VIPR1: variants seen among roughly 807,000 people sequenced by gnomAD.
VIPR1 encodes vasoactive intestinal polypeptide receptor 1.
Under a neutral mutation model 58.8 loss-of-function variants are expected in VIPR1, and 59 were observed. The ratio of observed to expected loss-of-function variants is 1.00; its 90% CI spans 0.81 to 1.25. VIPR1 has a LOEUF of 1.25. Among genes scored for constraint, VIPR1 ranks in the 50% most tolerant of loss-of-function variants. The pLI is 0.00. For missense variants in VIPR1, 626 were observed against 602.7 expected, an observed-to-expected ratio of 1.04 and a Z score of -0.40; for synonymous variants, 251 against 242.1, an observed-to-expected ratio of 1.04 and a Z score of -0.34.
chr3:42,495,782 G>A (rs1049050432), intron 1 of VIPR1, among the ~76,000 whole-genome samples: 1 of 151,794 alleles, frequency 6.6e-6, no homozygotes, highest in African/African-American at 2.4e-5. Flanking sequence ...CAAGTCAATG[G>A]CCAGCAAAAA....
At chr3:42,535,148 A>G in intron 11 of VIPR1, 44 bp downstream of exon 11, 1 of 1,613,428 alleles carries the variant, frequency 6.2e-7, no homozygotes, top group South Asian at 1.1e-5. Flanking sequence ...CTGGCTTTTA[A>G]GGGAATTCAA....
At chr3:42,512,229 C>G (rs1180711671) in intron 1 of VIPR1, 1 of 152,260 alleles carries the variant, frequency 6.6e-6, no homozygotes, top group African/African-American at 2.4e-5. Context: ...AACCATGGTG[C>G]TAGCTGCTTC....
intron 3 of VIPR1, among the ~76,000 whole-genome samples, chr3:42,525,203 C>T (rs1342232882): frequency 6.6e-6 from 1 of 152,014 alleles, no homozygotes. Flanking sequence ...ACCTCACATA[C>T]CCCCTAAGCG....
upstream of VIPR1, among the ~76,000 whole-genome samples, chr3:42,499,329 C>G (rs1054178093): frequency 6.6e-6 from 1 of 152,182 alleles, no homozygotes; most frequent in Non-Finnish European, 1.5e-5. Context: ...TGAGAGGAGG[C>G]GAGGGCGGCA....
intron 1 of VIPR1, among the ~76,000 whole-genome samples, chr3:42,508,206 G>A (rs1225157458): frequency 6.6e-6 from 1 of 152,188 alleles, no homozygotes; most frequent in Non-Finnish European, 1.5e-5. Flanking sequence ...CTGGACTAGA[G>A]CTTTGGCAGT....
At chr3:42,524,201 C>T (rs1223745662) in intron 3 of VIPR1, among the ~76,000 whole-genome samples, 1 of 152,186 alleles carries the variant, frequency 6.6e-6, no homozygotes. Context: ...GGCCTCAGAG[C>T]CTGCAGTTAG....
At chr3:42,505,709 G>A (rs896630099) in intron 1 of VIPR1, among the ~76,000 whole-genome samples, 2 of 152,224 alleles carry the variant, frequency 1.3e-5, no homozygotes, top group Non-Finnish European at 2.9e-5. Flanking sequence ...ACATCCTTGG[G>A]GAGCCCAGGC....
chr3:42,508,551 C>T (rs7621567), intron 1 of VIPR1, among the ~76,000 whole-genome samples: 4,667 of 152,268 alleles, frequency 0.031, 219 homozygotes, highest in African/African-American at 0.1. Context: ...ACCTGTGTCA[C>T]CACTGCCCAG....
chr3:42,531,000 G>T (rs2102414), intron 7 of VIPR1, 68 bp downstream of exon 7: 1 of 1,586,570 alleles, frequency 6.3e-7, no homozygotes, highest in Non-Finnish European at 8.6e-7. Context: ...TCCCTAGGGG[G>T]AGGGTGCCAA....
At chr3:42,502,926 A>G (rs377752938) in intron 1 of VIPR1, 113 bp downstream of exon 1, 1 of 819,260 alleles carries the variant, frequency 1.2e-6, no homozygotes, top group East Asian at 3.5e-5. Context: ...TGTAAGAGGA[A>G]TAGGGGACAT....
At chr3:42,527,886 G>A in intron 5 of VIPR1, 105 bp from the exon 6 acceptor site, 1 of 1,481,916 alleles carries the variant, frequency 6.7e-7, no homozygotes, top group Non-Finnish European at 9.2e-7. Context: ...CCCTCTGGAG[G>A]ACACATGCTC....
intron 3 of VIPR1, among the ~76,000 whole-genome samples, chr3:42,520,678 T>C (rs763182282): frequency 6.6e-6 from 1 of 152,076 alleles, no homozygotes; most frequent in Non-Finnish European, 1.5e-5. Context: ...GCAGAACTTA[T>C]ATAATTATTC....
Position 42,525,690 on chromosome 3 carries a change from C to T in VIPR1, c.293-197C>T, listed in dbSNP as rs531817113. ...GTCTGCTCTGATTCTATCATCGGTG[C>T]GGGAGCCCTGAAGAGGCTTCTCCCT... On this transcript the variant is annotated intron_variant, in intron 3 of 12. Transcript: ENST00000325123. Among the ~76,000 whole-genome samples the T allele has an allele frequency of 5.9e-5, 9 of 152,294 alleles. No individual in the cohort carries two copies. In the South Asian group the frequency reaches 1.5e-3, roughly 25 times the overall value.
intron 1 of VIPR1, among the ~76,000 whole-genome samples, chr3:42,503,510 T>C (rs1296886567): frequency 6.6e-6 from 1 of 152,104 alleles, no homozygotes; most frequent in Admixed American, 6.5e-5. Context: ...CACTTCTGCT[T>C]CCTCTCAACG....
At chr3:42,526,158 C>A (rs1356071500) in intron 4 of VIPR1, among the ~76,000 whole-genome samples, 165 bp downstream of exon 4, 1 of 152,204 alleles carries the variant, frequency 6.6e-6, no homozygotes, top group African/African-American at 2.4e-5. Flanking sequence ...GGGTCCCAAC[C>A]CTTGGCTCCC....
At position 42,536,524 on chromosome 3, in the gene VIPR1, C is replaced by A; in HGVS notation, c.*243C>A. The A allele has an allele frequency of 2.3e-6, 1 of 439,888 alleles. No homozygotes were observed. Among genetic ancestry groups the A allele is most frequent in the Non-Finnish European group, 4.0e-6 (1 of 252,442 alleles). 27.2% of individuals were successfully genotyped at this position (439,888 alleles called of 1,614,324 possible). On this transcript the variant is annotated 3_prime_UTR_variant, in exon 13 of 13. Transcript: ENST00000325123. ...CTCCTGGAGGATTGCAGGTGGAACTCAGTCATTAGACTCCTCCTCCAAAGG... is the reference window on the plus strand; with the variant it reads ...CTCCTGGAGGATTGCAGGTGGAACTAAGTCATTAGACTCCTCCTCCAAAGG...
intron 1 of VIPR1, chr3:42,509,241 G>A (rs1700256915): frequency 6.6e-6 from 1 of 152,270 alleles, no homozygotes; most frequent in South Asian, 2.1e-4. Context: ...TCCTCGGAGG[G>A]ACTCATGCTT....
chr3:42,499,195 G>A (rs1312974795), upstream of VIPR1, among the ~76,000 whole-genome samples: 1 of 151,686 alleles, frequency 6.6e-6, no homozygotes, highest in Non-Finnish European at 1.5e-5. Flanking sequence ...CTCCTAGCCT[G>A]GCCTCCAGCG....
intron 7 of VIPR1, 189 bp from the exon 8 acceptor site, chr3:42,531,282 A>T: frequency 1.5e-6 from 1 of 651,300 alleles, no homozygotes; most frequent in Non-Finnish European, 2.7e-6. Context: ...CTTCAGGCAT[A>T]CAGCTTCACC....
Sources: gnomAD v4.1 joint callset for allele counts (sites outside exome capture counted in the v4.1 genomes callset) on GRCh38, gnomAD v4.1.1 for gene constraint, MANE v1.5 for transcripts, NCBI Gene and HGNC (gene_info 2026-07-23, HGNC 2026-07-21) for gene names.